MALRD1: variants seen among roughly 807,000 people sequenced by gnomAD.
The protein encoded by MALRD1 is MAM and LDL receptor class A domain containing 1, also known as MAM and LDL-receptor class A domain-containing protein 1.
A neutral mutation model predicts 242.1 loss-of-function variants in MALRD1; 247 were observed. That is an observed-to-expected ratio of 1.02 (90% CI 0.92 to 1.13). MALRD1 has a LOEUF of 1.13. Among genes scored for constraint, MALRD1 ranks in the 50% most tolerant of loss-of-function variants. The pLI, the probability that MALRD1 is intolerant of heterozygous loss-of-function variation, is 0.00. For missense variants in MALRD1, 2,989 were observed against 2,533.1 expected (o/e 1.18, Z -3.86); for synonymous variants, 995 against 866.6 (o/e 1.15, Z -2.60).
At chr10:19,550,967 C>A (rs971012269) in intron 32 of MALRD1, among the ~76,000 whole-genome samples, 7 of 152,102 alleles carry the variant, frequency 4.6e-5, no homozygotes, top group Non-Finnish European at 5.9e-5. Context: ...CACAACCTTG[C>A]CAGCATCTGT....
At chr10:19,503,571 T>C (rs879357400) in intron 31 of MALRD1, among the ~76,000 whole-genome samples, 43 of 152,216 alleles carry the variant, frequency 2.8e-4, no homozygotes, top group Middle Eastern at 3.2e-3. Flanking sequence ...GGGTGACATT[T>C]ATGTAGCTTG....
chr10:19,535,185 A>G (rs1322030896), intron 32 of MALRD1, among the ~76,000 whole-genome samples: 1 of 152,058 alleles, frequency 6.6e-6, no homozygotes, highest in African/African-American at 2.4e-5. Flanking sequence ...CGCCCGACCA[A>G]AGTTTTTTTT....
chr10:19,664,523 G>T (rs779185858), intron 36 of MALRD1, among the ~76,000 whole-genome samples: 1 of 151,738 alleles, frequency 6.6e-6, no homozygotes, highest in Non-Finnish European at 1.5e-5. Flanking sequence ...TCAATTTAAT[G>T]GCCTTTGTAT....
intron 26 of MALRD1, among the ~76,000 whole-genome samples, chr10:19,362,579 G>C (rs947796837): frequency 6.6e-6 from 1 of 152,100 alleles, no homozygotes; most frequent in Non-Finnish European, 1.5e-5. Context: ...GCCTGACAAA[G>C]AAGAGGCCAA....
intron 27 of MALRD1, among the ~76,000 whole-genome samples, chr10:19,389,008 A>G (rs1399253832): frequency 6.6e-6 from 1 of 152,176 alleles, no homozygotes; most frequent in Non-Finnish European, 1.5e-5. Context: ...AAAACTGAAT[A>G]CCTTTCTTCC....
intron 33 of MALRD1, among the ~76,000 whole-genome samples, chr10:19,580,629 G>T (rs554188834): frequency 2.0e-4 from 30 of 152,194 alleles, no homozygotes; most frequent in Non-Finnish European, 3.5e-4. Flanking sequence ...CATTTATGTT[G>T]TGTTAAGTCT....
intron 38 of MALRD1, among the ~76,000 whole-genome samples, chr10:19,724,369 A>T (rs1269502550): frequency 6.6e-6 from 1 of 152,232 alleles, no homozygotes; most frequent in Non-Finnish European, 1.5e-5. Flanking sequence ...ACTGAAACAA[A>T]TTATAAAAGT....
At chr10:19,618,427 G>C (rs1839263825) in intron 36 of MALRD1, among the ~76,000 whole-genome samples, 2 of 152,042 alleles carry the variant, frequency 1.3e-5, no homozygotes, top group African/African-American at 4.8e-5. Context: ...GACAATGGTT[G>C]AAGTAATTTA....
chr10:19,605,122 T>G (rs985775512), intron 34 of MALRD1, among the ~76,000 whole-genome samples: 1 of 151,872 alleles, frequency 6.6e-6, no homozygotes, highest in Non-Finnish European at 1.5e-5. Flanking sequence ...CCTAGACAAT[T>G]TCTACCATTT....
chr10:19,143,769 G>A (rs975604911), intron 10 of MALRD1, among the ~76,000 whole-genome samples: 2 of 152,190 alleles, frequency 1.3e-5, no homozygotes, highest in African/African-American at 4.8e-5. Flanking sequence ...TGTACTTTGA[G>A]TCTTAAATAT....
rs867844595 is a variant in MALRD1 at position 19,646,738 on chromosome 10, T to G, written c.6137+30815T>G. On this transcript the variant is annotated intron_variant, in intron 36 of 39. Transcript: ENST00000454679. ...GACACTCAAAACAGTGTCTGGCAAA[T>G]GTGTGCTTTAAAAAAATATATATAA... Among the ~76,000 whole-genome samples, 10 of 152,256 alleles carry G rather than the reference T, an allele frequency of 6.6e-5. No individual in the cohort carries two copies. In the South Asian group the frequency reaches 1.0e-3, roughly 16 times the overall value.
chr10:19,455,738 G>T (rs1471970200), intron 29 of MALRD1, among the ~76,000 whole-genome samples: 2 of 152,112 alleles, frequency 1.3e-5, no homozygotes, highest in East Asian at 3.9e-4. Flanking sequence ...ATTCTGTTTT[G>T]TTCCTTCATT....
At chr10:19,166,878 G>C (rs1322409434) in intron 13 of MALRD1, among the ~76,000 whole-genome samples, 2 of 152,174 alleles carry the variant, frequency 1.3e-5, no homozygotes, top group African/African-American at 4.8e-5. Context: ...TTTGGAGTCA[G>C]TGGTCTGAGT....
intron 33 of MALRD1, among the ~76,000 whole-genome samples, chr10:19,587,297 A>T (rs1837484264): frequency 2.0e-5 from 3 of 152,222 alleles, no homozygotes; most frequent in Admixed American, 1.3e-4. Flanking sequence ...TGCCTGCCAG[A>T]GACAGTTACC....
At chr10:19,329,668 G>C (rs1215248684) in intron 23 of MALRD1, among the ~76,000 whole-genome samples, 1 of 152,136 alleles carries the variant, frequency 6.6e-6, no homozygotes, top group Non-Finnish European at 1.5e-5. Flanking sequence ...CTGTAGACAA[G>C]GTCAGGCCTT....
chr10:19,050,680 A>G (rs567027125), intron 1 of MALRD1, among the ~76,000 whole-genome samples: 8 of 152,232 alleles, frequency 5.3e-5, no homozygotes, highest in Non-Finnish European at 7.4e-5. Flanking sequence ...TATTTGTCCA[A>G]TTTCCCCAGA....
At position 19,160,800 on chromosome 10, in the gene MALRD1, G is replaced by A. The variant is rs866415804; in HGVS notation, c.1657-4837G>A. ...GGTAGTTTGTATTTCTGTGGGATCGGTGGTGATATCCCCTTTATCATTTTT... is the reference window on the plus strand; with the variant it reads ...GGTAGTTTGTATTTCTGTGGGATCGATGGTGATATCCCCTTTATCATTTTT... On this transcript the variant is annotated intron_variant, in intron 12 of 39. Coordinates refer to ENST00000454679, the MANE Select transcript of MALRD1 (RefSeq NM_001142308.3). 6.2e-3 allele frequency among the ~76,000 whole-genome samples: 667 copies of A among 106,996 alleles called. 9 individuals are homozygous for A. Among genetic ancestry groups the A allele is most frequent in the African/African-American group, 0.023 (627 of 26,900 alleles). 70.2% of individuals were successfully genotyped at this position (106,996 alleles called of 152,430 possible).
intron 36 of MALRD1, among the ~76,000 whole-genome samples, chr10:19,629,188 G>A (rs1839805274): frequency 6.6e-6 from 1 of 152,178 alleles, no homozygotes; most frequent in African/African-American, 2.4e-5. Context: ...TTAGGCTCCT[G>A]ATGATAGCTG....
At chr10:19,139,043 G>T (rs574722351) in intron 10 of MALRD1, among the ~76,000 whole-genome samples, 1 of 152,176 alleles carries the variant, frequency 6.6e-6, no homozygotes, top group African/African-American at 2.4e-5. Flanking sequence ...TGATTGAGAT[G>T]GACTTGATAT....
Sources: allele counts gnomAD v4.1 joint callset (sites outside exome capture counted in the v4.1 genomes callset), GRCh38; gene constraint gnomAD v4.1.1; transcripts MANE v1.5; gene names NCBI Gene and HGNC (gene_info 2026-07-23, HGNC 2026-07-21).